SDCCAG8: variants seen among roughly 807,000 people sequenced by gnomAD.
The protein encoded by SDCCAG8 is SHH signaling and ciliogenesis regulator SDCCAG8.
SDCCAG8 carries 74 observed loss-of-function variants against 101.8 expected under a neutral mutation model. The ratio of observed to expected loss-of-function variants is 0.73; its 90% CI spans 0.60 to 0.88. SDCCAG8 has a LOEUF of 0.88. SDCCAG8 is among the 40% of genes least tolerant of loss of function. SDCCAG8 has a pLI of 0.00. For synonymous variants in SDCCAG8, 281 were observed against 292.9 expected (o/e 0.96, Z 0.41); for missense variants, 787 against 822.6 (o/e 0.96, Z 0.53).
At position 243,316,861 on chromosome 1, in the gene SDCCAG8, A is replaced by G. The variant is rs2073286964; in HGVS notation, c.1036A>G (p.Ile346Val). The G allele has an allele frequency of 1.2e-6, 2 of 1,614,236 alleles. No individual in the cohort carries two copies. Among genetic ancestry groups the G allele is most frequent in the Non-Finnish European group, 8.5e-7 (1 of 1,180,038 alleles). The stretch of plus-strand genomic sequence containing the variant: ...TGAACAGGTGAAACAAGTTTTGCAA[A>G]TATCTGAGGAAGCCAATTTTGAAAA... Reference protein sequence around the residue: ...AYEQVKQVLQISEEANFEKTK... With the variant: ...AYEQVKQVLQVSEEANFEKTK... Residue 346 changes from isoleucine to valine, a missense_variant, in exon 9 of 18, where the codon ATA becomes GTA. Ile to Val is a conservative substitution (Grantham distance 29). Transcript: ENST00000366541.
intron 16 of SDCCAG8, among the ~76,000 whole-genome samples, chr1:243,460,994 C>A (rs1366670485): frequency 6.6e-6 from 1 of 152,216 alleles, no homozygotes; most frequent in Non-Finnish European, 1.5e-5. Context: ...GTAATTATCA[C>A]TAGTCAAATG....
intron 4 of SDCCAG8, among the ~76,000 whole-genome samples, chr1:243,281,303 T>C (rs2069019402): frequency 6.7e-6 from 1 of 150,290 alleles, no homozygotes; most frequent in South Asian, 2.1e-4. Context: ...AGATTTCTTT[T>C]TTTTTTTTTT....
chr1:243,279,514 A>T (rs2068852256), intron 4 of SDCCAG8, among the ~76,000 whole-genome samples: 1 of 152,230 alleles, frequency 6.6e-6, no homozygotes, highest in Non-Finnish European at 1.5e-5. Context: ...AACTTGAATT[A>T]TGGTTTCTAC....
At chr1:243,289,397 A>C (rs969770724) in intron 5 of SDCCAG8, among the ~76,000 whole-genome samples, 2 of 152,160 alleles carry the variant, frequency 1.3e-5, no homozygotes, top group Non-Finnish European at 2.9e-5. Flanking sequence ...CTCAAATGTT[A>C]ATCTCTTTTA....
rs940127964 is a variant in SDCCAG8, at chr1:243,445,167, T to C, written c.1985+18609T>C. The stretch of plus-strand genomic sequence containing the variant: ...AGACTAATAAATTTTTAAGGAGCTC[T>C]GCCTGTCTTATATGACCCGAGTTAT... On this transcript the variant is annotated intron_variant, in intron 16 of 17. Transcript: ENST00000366541. Among the ~76,000 whole-genome samples the C allele has an allele frequency of 2.6e-5, 4 of 152,234 alleles. No homozygotes were observed. The East Asian group carries it at 7.7e-4, about 29-fold the overall frequency.
At chr1:243,388,698 CAAA>C (rs11296139) in intron 13 of SDCCAG8, among the ~76,000 whole-genome samples, 17 of 134,302 alleles carry the variant, frequency 1.3e-4, no homozygotes, top group Non-Finnish European at 1.1e-4. Context: ...CCAGCTCTAC[CAAA>C]AAAAAAAAAA....
At chr1:243,386,568 A>C (rs952493173) in intron 13 of SDCCAG8, among the ~76,000 whole-genome samples, 1 of 152,064 alleles carries the variant, frequency 6.6e-6, no homozygotes, top group Non-Finnish European at 1.5e-5. Flanking sequence ...CCTGGCTAAC[A>C]TGGTAAAAAC....
At chr1:243,355,509 T>C (rs1437278096) in intron 12 of SDCCAG8, among the ~76,000 whole-genome samples, 2 of 152,214 alleles carry the variant, frequency 1.3e-5, no homozygotes, top group Non-Finnish European at 2.9e-5. Context: ...AATAAACTTT[T>C]AAGGAGATCT....
intron 1 of SDCCAG8, among the ~76,000 whole-genome samples, chr1:243,263,833 C>T (rs1000607690): frequency 5.3e-5 from 8 of 152,154 alleles, no homozygotes; most frequent in Non-Finnish European, 8.8e-5. Flanking sequence ...TTCACAAAGC[C>T]GACATTGTCT....
intron 16 of SDCCAG8, among the ~76,000 whole-genome samples, chr1:243,480,007 G>C (rs898330017): frequency 6.6e-6 from 1 of 151,702 alleles, no homozygotes; most frequent in Admixed American, 6.6e-5. Flanking sequence ...CTGAGGTTGA[G>C]AGAGATACTC....
chr1:243,265,079 A>G (rs974500974), intron 1 of SDCCAG8, among the ~76,000 whole-genome samples: 1 of 152,222 alleles, frequency 6.6e-6, no homozygotes, highest in African/African-American at 2.4e-5. Context: ...TTCAGTTGCA[A>G]TGGCTCCAGT....
At chr1:243,400,050 C>T (rs572397819) in intron 13 of SDCCAG8, among the ~76,000 whole-genome samples, 1 of 152,296 alleles carries the variant, frequency 6.6e-6, no homozygotes, top group African/African-American at 2.4e-5. Flanking sequence ...CTCCCGACTA[C>T]GATTTTATCC....
intron 13 of SDCCAG8, among the ~76,000 whole-genome samples, chr1:243,410,844 G>A (rs2080121918): frequency 6.6e-6 from 1 of 152,134 alleles, no homozygotes; most frequent in South Asian, 2.1e-4. Flanking sequence ...TAAAAAGTGG[G>A]ATGGTAAATA....
intron 12 of SDCCAG8, among the ~76,000 whole-genome samples, chr1:243,360,146 T>C (rs921501832): frequency 6.8e-5 from 3 of 44,020 alleles, no homozygotes; most frequent in Non-Finnish European, 1.3e-4. Context: ...AACAGTCTCT[T>C]TTTTTTTTTT....
chr1:243,318,881 C>T (rs2073501179), intron 9 of SDCCAG8, among the ~76,000 whole-genome samples: 1 of 152,184 alleles, frequency 6.6e-6, no homozygotes, highest in Non-Finnish European at 1.5e-5. Context: ...TGAAATTAAG[C>T]TACCGCTCTG....
chr1:243,491,640 C>T (rs1666439336), intron 17 of SDCCAG8, among the ~76,000 whole-genome samples: 1 of 152,208 alleles, frequency 6.6e-6, no homozygotes, highest in South Asian at 2.1e-4. Flanking sequence ...TCTGCGATGC[C>T]TTCTTGTCAT....
chr1:243,426,617 C>T (rs1333953293), intron 16 of SDCCAG8, 59 bp downstream of exon 16: 2 of 1,600,980 alleles, frequency 1.2e-6, no homozygotes, highest in Non-Finnish European at 1.7e-6. Context: ...GGTTTACACA[C>T]TGAAGGGGAA....
intron 16 of SDCCAG8, among the ~76,000 whole-genome samples, chr1:243,465,862 C>T (rs946823): frequency 0.82 from 124,757 of 152,172 alleles, 51,345 homozygotes; most frequent in East Asian, 0.91. Context: ...CTGTGTCCAG[C>T]GTATTGTTGT....
chr1:243,292,971 T>C, intron 5 of SDCCAG8, 120 bp from the exon 6 acceptor site: 3 of 1,145,692 alleles, frequency 2.6e-6, no homozygotes, highest in Non-Finnish European at 3.9e-6. Flanking sequence ...TCTTGACCTG[T>C]AGTGTAGAAG....
Sources: gnomAD v4.1 joint callset for allele counts (sites outside exome capture counted in the v4.1 genomes callset) on GRCh38, gnomAD v4.1.1 for gene constraint, MANE v1.5 for transcripts, NCBI Gene and HGNC (gene_info 2026-07-23, HGNC 2026-07-21) for gene names.